SOX6: variants seen among roughly 807,000 people sequenced by gnomAD.
The protein encoded by SOX6 is transcription factor SOX-6.
Under a neutral mutation model 97.8 loss-of-function variants are expected in SOX6, and 11 were observed. The ratio of observed to expected loss-of-function variants is 0.11; its 90% CI spans 0.07 to 0.19. SOX6 has a LOEUF of 0.19. Among genes scored for constraint, SOX6 ranks in the 10% least tolerant of loss-of-function variants. SOX6 has a pLI of 1.00. For missense variants in SOX6, 810 were observed against 1,039.5 expected, an observed-to-expected ratio of 0.78 and a Z score of 3.04; for synonymous variants, 360 against 371.4, an observed-to-expected ratio of 0.97 and a Z score of 0.35.
At chr11:16,622,513 T>C (rs1445731985) in intron 3 of SOX6, among the ~76,000 whole-genome samples, 3 of 152,232 alleles carry the variant, frequency 2.0e-5, no homozygotes, top group African/African-American at 7.2e-5. Context: ...AGTGAGACCA[T>C]ACGATGTTTG....
At chr11:16,175,258 C>T (rs1379496357) in intron 6 of SOX6, among the ~76,000 whole-genome samples, 2 of 151,808 alleles carry the variant, frequency 1.3e-5, no homozygotes, top group Non-Finnish European at 2.9e-5. Context: ...TATTCCTATA[C>T]CTAGTCATAC....
At chr11:16,225,127 T>A (rs1358690368) in intron 4 of SOX6, among the ~76,000 whole-genome samples, 1 of 152,084 alleles carries the variant, frequency 6.6e-6, no homozygotes, top group Non-Finnish European at 1.5e-5. Context: ...TTTGTTTAAT[T>A]ATTATAGAAA....
At chr11:16,039,830 G>T (rs1464066794) in intron 12 of SOX6, among the ~76,000 whole-genome samples, 1 of 151,878 alleles carries the variant, frequency 6.6e-6, no homozygotes, top group African/African-American at 2.4e-5. Context: ...TGGTTGATAA[G>T]TCCCACATAA....
At chr11:16,501,869 G>T (rs1202522386) in intron 4 of SOX6, among the ~76,000 whole-genome samples, 4 of 152,180 alleles carry the variant, frequency 2.6e-5, no homozygotes, top group Non-Finnish European at 5.9e-5. Context: ...TGGTGGGACT[G>T]TAAACTAGTT....
chr11:16,107,713 G>C (rs1849130961), intron 7 of SOX6, among the ~76,000 whole-genome samples: 1 of 151,938 alleles, frequency 6.6e-6, no homozygotes, highest in Non-Finnish European at 1.5e-5. Flanking sequence ...GGTATGGATT[G>C]TGGTGTTGGT....
At chr11:16,004,153 T>C (rs1277889416) in intron 13 of SOX6, among the ~76,000 whole-genome samples, 1 of 151,990 alleles carries the variant, frequency 6.6e-6, no homozygotes, top group Non-Finnish European at 1.5e-5. Flanking sequence ...CTCATTGAAT[T>C]AGAGAACTCT....
At chr11:16,004,012 T>TAA (rs748021855) in intron 13 of SOX6, among the ~76,000 whole-genome samples, 1 of 151,426 alleles carries the variant, frequency 6.6e-6, no homozygotes, top group Non-Finnish European at 1.5e-5. Flanking sequence ...AATATATATA[T>TAA]AATACATATA....
intron 3 of SOX6, among the ~76,000 whole-genome samples, chr11:16,689,251 T>C (rs1675901420): frequency 6.6e-6 from 1 of 152,160 alleles, no homozygotes; most frequent in African/African-American, 2.4e-5. Flanking sequence ...AATTTTAAAG[T>C]ACTTTAAAAT....
chr11:16,298,959 GGAA>G, intron 3 of SOX6, among the ~76,000 whole-genome samples: 1 of 152,142 alleles, frequency 6.6e-6, no homozygotes, highest in Non-Finnish European at 1.5e-5. Flanking sequence ...TGCGTTTGCT[GGAA>G]GAAGATGGTA....
At chr11:16,602,441 G>T (rs1432187620) in intron 4 of SOX6, among the ~76,000 whole-genome samples, 1 of 151,710 alleles carries the variant, frequency 6.6e-6, no homozygotes. Flanking sequence ...TTTGTTTTTT[G>T]GTTGTTTGCT....
At chr11:15,988,920 C>G (rs1853953201) in intron 14 of SOX6, 77 bp downstream of exon 14, 1 of 1,399,790 alleles carries the variant, frequency 7.1e-7, no homozygotes, top group South Asian at 1.2e-5. Flanking sequence ...CCTAGTTATC[C>G]CCTTGCTTCC....
At chr11:16,230,318 G>A (rs913232659) in intron 4 of SOX6, among the ~76,000 whole-genome samples, 1 of 4,108 alleles carries the variant, frequency 2.4e-4, no homozygotes, top group East Asian at 3.3e-3. Context: ...AACGTATGAA[G>A]GGTGGGTGGG....
rs185178591 is a variant in SOX6, at chr11:16,657,706, T to C, written n.430-45446A>G. ...ATAAGTGTATAGTGGTATCTCACTGTGGTTTTAATTTGCACTCCCTAGTGA... is the reference window on the plus strand; with the variant it reads ...ATAAGTGTATAGTGGTATCTCACTGCGGTTTTAATTTGCACTCCCTAGTGA... On this transcript the variant is annotated intron_variant and non_coding_transcript_variant, in intron 3 of 5. Transcript: ENST00000524520. Among the ~76,000 whole-genome samples, 17 of 152,342 alleles carry C rather than the reference T, an allele frequency of 1.1e-4. No homozygotes were observed. The East Asian group carries it at 3.1e-3, about 28-fold the overall frequency.
chr11:16,640,273 G>T (rs1304279029), intron 3 of SOX6, among the ~76,000 whole-genome samples: 1 of 152,198 alleles, frequency 6.6e-6, no homozygotes, highest in Non-Finnish European at 1.5e-5. Flanking sequence ...CTGGATCATG[G>T]TGGATAAGCT....
chr11:16,009,603 A>C (rs1022040629), intron 13 of SOX6, among the ~76,000 whole-genome samples: 3 of 152,094 alleles, frequency 2.0e-5, no homozygotes, highest in Non-Finnish European at 4.4e-5. Flanking sequence ...AGTGGCCAGT[A>C]TTCTGTCTTC....
chr11:16,554,608 C>T (rs976133728), intron 4 of SOX6, among the ~76,000 whole-genome samples: 9 of 152,076 alleles, frequency 5.9e-5, no homozygotes, highest in Non-Finnish European at 1.2e-4. Context: ...AAAAATTACT[C>T]AAAACCTTCC....
chr11:16,269,594 C>T (rs1467135807), intron 3 of SOX6, among the ~76,000 whole-genome samples: 1 of 150,716 alleles, frequency 6.6e-6, no homozygotes, highest in Non-Finnish European at 1.5e-5. Flanking sequence ...TTTATTTGTT[C>T]AGATGTACTA....
chr11:16,583,574 A>T lies in SOX6; in HGVS notation n.609+28507T>A, dbSNP rs369464871. Among the ~76,000 whole-genome samples, 502 of 77,956 alleles carry T rather than the reference A, an allele frequency of 6.4e-3. 6 individuals are homozygous for T. The highest frequency in any genetic ancestry group is 0.025 in the Middle Eastern group (3 of 118). The allele number at this position is 77,956 out of a possible 152,430, so 51.1% of individuals were successfully genotyped here. On this transcript the variant is annotated intron_variant and non_coding_transcript_variant, in intron 4 of 5. Coordinates refer to the SOX6 transcript ENST00000524520. ...CTTTTTTATGGATGAATAATATTTCATTGTGTATATATATATATGTATATA... is the reference window on the plus strand; with the variant it reads ...CTTTTTTATGGATGAATAATATTTCTTTGTGTATATATATATATGTATATA...
intron 2 of SOX6, among the ~76,000 whole-genome samples, chr11:16,328,146 C>T (rs544862243): frequency 6.6e-6 from 1 of 152,224 alleles, no homozygotes; most frequent in African/African-American, 2.4e-5. Context: ...ACTCAATCTA[C>T]AACAAACTTC....
Sources: allele counts gnomAD v4.1 joint callset (sites outside exome capture counted in the v4.1 genomes callset), GRCh38; gene constraint gnomAD v4.1.1; transcripts MANE v1.5; gene names NCBI Gene and HGNC (gene_info 2026-07-23, HGNC 2026-07-21).